Variants in PSD3 observed in about 807,000 individuals in gnomAD.
PSD3 encodes PH and SEC7 domain-containing protein 3.
Under a neutral mutation model 105.5 loss-of-function variants are expected in PSD3, and 49 were observed. That is an observed-to-expected ratio of 0.46 (90% CI 0.37 to 0.59). The LOEUF is 0.59. Among genes scored for constraint, PSD3 ranks in the 20% least tolerant of loss-of-function variants. The pLI, the probability that PSD3 is intolerant of heterozygous loss-of-function variation, is 0.00. For missense variants in PSD3, 1,561 were observed against 1,263.8 expected (o/e 1.24, Z -3.57); for synonymous variants, 557 against 457.8 (o/e 1.22, Z -2.77).
chr8:18,652,203 G>A (rs1481408308), intron 10 of PSD3, among the ~76,000 whole-genome samples: 1 of 152,098 alleles, frequency 6.6e-6, no homozygotes. Context: ...ACATCCTGCA[G>A]GAAAATGCAA....
chr8:18,643,033 C>T (rs777339002), intron 10 of PSD3, among the ~76,000 whole-genome samples: 10 of 152,122 alleles, frequency 6.6e-5, no homozygotes, highest in Non-Finnish European at 7.4e-5. Context: ...CTGTCCTAGT[C>T]CATTTTGTGT....
At chr8:18,553,331 TC>T (rs148336441) in intron 15 of PSD3, among the ~76,000 whole-genome samples, 2,566 of 152,168 alleles carry the variant, frequency 0.017, 45 homozygotes, top group East Asian at 0.071. Flanking sequence ...ATCTGTGGGC[TC>T]CCACTGAACT....
chr8:18,770,725 G>C (rs1290428110), intron 8 of PSD3, among the ~76,000 whole-genome samples: 1 of 152,204 alleles, frequency 6.6e-6, no homozygotes, highest in African/African-American at 2.4e-5. Context: ...CTTTTAGCTT[G>C]GCTGTCTGCA....
intron 15 of PSD3, among the ~76,000 whole-genome samples, chr8:18,542,167 G>A (rs980805026): frequency 1.3e-5 from 2 of 152,130 alleles, no homozygotes; most frequent in South Asian, 2.1e-4. Flanking sequence ...GTCCTCATTT[G>A]GATAATTACT....
chr8:18,655,510 TAA>T, intron 10 of PSD3, 130 bp downstream of exon 10: 1 of 854,396 alleles, frequency 1.2e-6, no homozygotes, highest in South Asian at 1.6e-5. Flanking sequence ...ACAAAGTAGG[TAA>T]GACACTTGGT....
intron 4 of PSD3, among the ~76,000 whole-genome samples, chr8:18,807,554 T>C (rs1057483158): frequency 2.0e-5 from 3 of 152,188 alleles, no homozygotes; most frequent in African/African-American, 4.8e-5. Context: ...TATTTTGCCA[T>C]AGCTATTAAT....
At chr8:18,787,931 T>G (rs1809337360) in intron 8 of PSD3, among the ~76,000 whole-genome samples, 1 of 152,180 alleles carries the variant, frequency 6.6e-6, no homozygotes, top group Admixed American at 6.5e-5. Flanking sequence ...TTCTGTAAAT[T>G]TCTGTAAAGG....
chr8:19,052,800 A>G (rs980736927), intron 1 of PSD3, among the ~76,000 whole-genome samples: 2 of 42,896 alleles, frequency 4.7e-5, no homozygotes, highest in East Asian at 4.8e-4. Context: ...GGGTGGGTCC[A>G]TTGGGTGCCC....
chr8:18,690,541 T>G (rs1387092644), intron 9 of PSD3, among the ~76,000 whole-genome samples: 3 of 152,154 alleles, frequency 2.0e-5, no homozygotes, highest in African/African-American at 7.2e-5. Flanking sequence ...TCTAACACTC[T>G]ACACCCCAGG....
intron 2 of PSD3, among the ~76,000 whole-genome samples, chr8:18,917,434 C>T (rs10089747): frequency 0.049 from 7,472 of 152,186 alleles, 426 homozygotes; most frequent in African/African-American, 0.14. Flanking sequence ...AGAAGTCTTC[C>T]GTGGCAATTT....
intron 9 of PSD3, among the ~76,000 whole-genome samples, chr8:18,657,653 C>T (rs115243632): frequency 3.1e-5 from 4 of 129,760 alleles, no homozygotes; most frequent in African/African-American, 9.2e-5. Context: ...TATGGAAGTG[C>T]AGAGAGAGTT....
At chr8:18,881,531 C>T (rs1026376356) in intron 2 of PSD3, among the ~76,000 whole-genome samples, 2 of 152,108 alleles carry the variant, frequency 1.3e-5, no homozygotes, top group African/African-American at 4.8e-5. Flanking sequence ...CCACATCTAC[C>T]GTAGACTCGG....
At chr8:18,550,274 C>T (rs1216246018) in intron 15 of PSD3, among the ~76,000 whole-genome samples, 3 of 152,154 alleles carry the variant, frequency 2.0e-5, no homozygotes, top group Non-Finnish European at 2.9e-5. Flanking sequence ...TGCTAGGCTC[C>T]GCTTCTCTTC....
intron 1 of PSD3, among the ~76,000 whole-genome samples, chr8:18,981,606 CACA>C (rs906979965): frequency 1.4e-4 from 21 of 151,962 alleles, no homozygotes; most frequent in Non-Finnish European, 4.4e-5. Flanking sequence ...AATTCCAGAC[CACA>C]ACAATACAGT....
intron 9 of PSD3, among the ~76,000 whole-genome samples, chr8:18,691,216 A>G (rs537408636): frequency 1.3e-5 from 2 of 152,324 alleles, no homozygotes; most frequent in Non-Finnish European, 2.9e-5. Flanking sequence ...CACCCGTATA[A>G]GTTAAACAGT....
chr8:19,050,963 GGAAA>G (rs2129477148), intron 1 of PSD3, among the ~76,000 whole-genome samples: 1 of 152,272 alleles, frequency 6.6e-6, no homozygotes, highest in Non-Finnish European at 1.5e-5. Flanking sequence ...GCCTCAGAAA[GGAAA>G]GAGAGTTTGC....
chr8:18,603,878 C>G (rs958262277), intron 11 of PSD3, among the ~76,000 whole-genome samples: 3 of 152,180 alleles, frequency 2.0e-5, no homozygotes, highest in Admixed American at 6.5e-5. Context: ...TTTCCTGAGG[C>G]CTTCCCAGAA....
At chr8:18,974,446 T>C (rs1243268413) in intron 1 of PSD3, among the ~76,000 whole-genome samples, 1 of 152,156 alleles carries the variant, frequency 6.6e-6, no homozygotes, top group African/African-American at 2.4e-5. Flanking sequence ...ATGCAGACAC[T>C]GCCTTTAAGA....
chr8:19,001,175 G>C (rs1586608877), intron 1 of PSD3, among the ~76,000 whole-genome samples: 1 of 151,524 alleles, frequency 6.6e-6, no homozygotes, highest in South Asian at 2.1e-4. Context: ...ACTCACTGCA[G>C]CCTTGACCTC....
Sources: allele counts gnomAD v4.1 joint callset (sites outside exome capture counted in the v4.1 genomes callset), GRCh38; gene constraint gnomAD v4.1.1; transcripts MANE v1.5; gene names NCBI Gene and HGNC (gene_info 2026-07-23, HGNC 2026-07-21).